Variants in TMCC3 observed in about 807,000 individuals in gnomAD.
The protein encoded by TMCC3 is transmembrane and coiled-coil domain protein 3.
TMCC3 carries 28 observed loss-of-function variants against 40.2 expected under a neutral mutation model. That is an observed-to-expected ratio of 0.70 (90% confidence interval 0.52 to 0.95). The LOEUF is 0.95. TMCC3 is among the 40% of genes least tolerant of loss of function. The probability of loss-of-function intolerance (pLI) is 0.00; values close to 1 mark genes in which losing one functional copy is unlikely to be tolerated. For missense variants in TMCC3, 554 were observed against 615.2 expected, an observed-to-expected ratio of 0.90 and a Z score of 1.05; for synonymous variants, 255 against 248.5, an observed-to-expected ratio of 1.03 and a Z score of -0.25.
At chr12:94,582,965 CTTTTTTTTTT>C (rs753900771) in intron 1 of TMCC3, among the ~76,000 whole-genome samples, 14 of 59,952 alleles carry the variant, frequency 2.3e-4, no homozygotes, top group African/African-American at 6.9e-4. Context: ...GAAGGAGAAT[CTTTTTTTTTT>C]TTTTTTTTTT....
intron 1 of TMCC3, chr12:94,616,035 T>C: frequency 7.1e-6 from 7 of 985,180 alleles, no homozygotes; most frequent in Non-Finnish European, 8.4e-6. Flanking sequence ...AAACAGCACC[T>C]ACCATATGAC....
chr12:94,581,756 G>T lies in TMCC3; in HGVS notation c.861C>A (p.Leu287=), dbSNP rs370274836. Residue 287 remains leucine, a synonymous_variant, in exon 2 of 4, where the codon CTC becomes CTA. Coordinates refer to ENST00000261226, the MANE Select transcript of TMCC3 (RefSeq NM_020698.4). ...GASTLDSQGK[L]AVILEELREI... Reference sequence around the variant, plus strand: ...CCCTCAGTTCCTCCAGGATCACGGCGAGCTTGCCCTGGCTGTCCAGTGTGC... The same window carrying T: ...CCCTCAGTTCCTCCAGGATCACGGCTAGCTTGCCCTGGCTGTCCAGTGTGC... 6.2e-7 allele frequency: 1 copy of T among 1,614,142 alleles called. No individual in the cohort carries two copies. Among genetic ancestry groups the T allele is most frequent in the Non-Finnish European group, 8.5e-7 (1 of 1,180,032 alleles).
rs1342024022 is a variant in TMCC3, at chr12:94,582,380, T to C, written c.237A>G (p.Thr79=). ...DSLKQKILKV[T]EQIKIEQTSR... ...ATGTTTGCTCAATTTTTATCTGCTC[T>C]GTTACCTTTAGAATTTTTTGCTTCA... Residue 79 remains threonine, a synonymous_variant, in exon 2 of 4, where the codon ACA becomes ACG. Transcript: ENST00000261226. 1.7e-5 allele frequency: 27 copies of C among 1,614,002 alleles called. No individual in the cohort carries two copies. The highest frequency in any genetic ancestry group is 2.2e-5 in the Non-Finnish European group (26 of 1,180,012).
intron 1 of TMCC3, among the ~76,000 whole-genome samples, chr12:94,588,293 A>AC (rs2068650126): frequency 6.6e-6 from 1 of 152,036 alleles, no homozygotes; most frequent in Admixed American, 6.6e-5. Flanking sequence ...GAGGCACACC[A>AC]CCCACCCCCC....
Position 94,568,057 on chromosome 12 carries a change from T to C in TMCC3, c.*3378A>G, listed in dbSNP as rs1038564453. 6.6e-6 allele frequency: 1 copy of C among 152,156 alleles called. No homozygotes were observed. The highest frequency in any genetic ancestry group is 2.4e-5 in the African/African-American group (1 of 41,422). 9.4% of individuals were successfully genotyped at this position (152,156 alleles called of 1,614,324 possible). On this transcript the variant is annotated 3_prime_UTR_variant, in exon 4 of 4. Coordinates refer to ENST00000261226, the MANE Select transcript of TMCC3 (RefSeq NM_020698.4). ...CTGGAAAGAGCGAAAACCACATGAATGCTAATTGACAGAGAAGGATAACAG... is the reference window on the plus strand; with the variant it reads ...CTGGAAAGAGCGAAAACCACATGAACGCTAATTGACAGAGAAGGATAACAG...
At chr12:94,606,199 C>A (rs2068781765) in intron 1 of TMCC3, among the ~76,000 whole-genome samples, 1 of 152,140 alleles carries the variant, frequency 6.6e-6, no homozygotes, top group Non-Finnish European at 1.5e-5. Flanking sequence ...CTCAGGGACA[C>A]CTGCTCTTAG....
intron 1 of TMCC3, among the ~76,000 whole-genome samples, chr12:94,609,260 T>G (rs1443006301): frequency 6.6e-6 from 1 of 151,954 alleles, no homozygotes; most frequent in Non-Finnish European, 1.5e-5. Context: ...AAAAAAGAAA[T>G]CAAGGAATTT....
rs751069212 is a variant in TMCC3, at chr12:94,571,432, G to T, written c.*3C>A. The T allele has an allele frequency of 6.2e-7, 1 of 1,608,370 alleles. No homozygotes were observed. The highest frequency in any genetic ancestry group is 8.5e-7 in the Non-Finnish European group (1 of 1,175,156). On this transcript the variant is annotated 3_prime_UTR_variant, in exon 4 of 4. Coordinates refer to ENST00000261226, the MANE Select transcript of TMCC3 (RefSeq NM_020698.4). ...AAGAACTTGAAGGCAGGAACCAGTG[G>T]CTTCATCTTGGTATTATCATCCTTT...
At chr12:94,635,337 GT>G (rs2068954205) in intron 1 of TMCC3, among the ~76,000 whole-genome samples, 1 of 152,158 alleles carries the variant, frequency 6.6e-6, no homozygotes, top group Non-Finnish European at 1.5e-5. Flanking sequence ...AGAACACAAA[GT>G]TAGGCTGGGT....
intron 1 of TMCC3, among the ~76,000 whole-genome samples, chr12:94,597,802 G>A (rs10219601): frequency 0.33 from 49,363 of 151,872 alleles, 8,180 homozygotes; most frequent in East Asian, 0.36. Context: ...GAGAGGCTCT[G>A]TCTCAAAAAA....
chr12:94,638,439 A>G (rs563351464), intron 1 of TMCC3, among the ~76,000 whole-genome samples: 1 of 152,316 alleles, frequency 6.6e-6, no homozygotes, highest in African/African-American at 2.4e-5. Flanking sequence ...CCTCTCAAGC[A>G]TCTTCACATG....
chr12:94,596,537 T>G (rs1175195910), intron 1 of TMCC3, among the ~76,000 whole-genome samples: 2 of 152,166 alleles, frequency 1.3e-5, no homozygotes, highest in Non-Finnish European at 2.9e-5. Context: ...GACTGCTTCC[T>G]TTGTGCTTCT....
At chr12:94,643,499 C>A (rs959378828) in intron 1 of TMCC3, among the ~76,000 whole-genome samples, 1 of 152,208 alleles carries the variant, frequency 6.6e-6, no homozygotes, top group African/African-American at 2.4e-5. Flanking sequence ...GGAGACCAAA[C>A]ATCAGGCAAA....
intron 3 of TMCC3, among the ~76,000 whole-genome samples, chr12:94,577,257 C>T (rs548509596): frequency 4.1e-4 from 63 of 152,222 alleles, no homozygotes; most frequent in Non-Finnish European, 7.8e-4. Context: ...GGCGCGATCT[C>T]GGCTCATTGC....
intron 1 of TMCC3, among the ~76,000 whole-genome samples, chr12:94,618,309 A>T (rs1003196173): frequency 1.3e-5 from 2 of 152,184 alleles, no homozygotes; most frequent in African/African-American, 4.8e-5. Flanking sequence ...CCTAAAATAC[A>T]TTCAGGATCA....
chr12:94,577,185 T>C (rs2138819601), intron 3 of TMCC3, among the ~76,000 whole-genome samples: 1 of 152,250 alleles, frequency 6.6e-6, no homozygotes, highest in Admixed American at 6.5e-5. Context: ...TATTAATTAA[T>C]TAATTAATTT....
At chr12:94,630,565 C>T (rs1164977224) in intron 1 of TMCC3, among the ~76,000 whole-genome samples, 1 of 152,294 alleles carries the variant, frequency 6.6e-6, no homozygotes, top group Non-Finnish European at 1.5e-5. Flanking sequence ...TTTCTTGGCA[C>T]TGCATGAGAG....
At chr12:94,601,182 T>C (rs2068750099) in intron 1 of TMCC3, among the ~76,000 whole-genome samples, 1 of 152,220 alleles carries the variant, frequency 6.6e-6, no homozygotes, top group Non-Finnish European at 1.5e-5. Context: ...TTAATTTTAT[T>C]ATGTAGAAAA....
At chr12:94,588,105 C>T (rs956421478) in intron 1 of TMCC3, among the ~76,000 whole-genome samples, 2 of 152,192 alleles carry the variant, frequency 1.3e-5, no homozygotes, top group Admixed American at 1.3e-4. Flanking sequence ...AGGCCTCCAG[C>T]ACAACACACC....
Sources: gnomAD v4.1 joint callset for allele counts (sites outside exome capture counted in the v4.1 genomes callset) on GRCh38, gnomAD v4.1.1 for gene constraint, MANE v1.5 for transcripts, NCBI Gene and HGNC (gene_info 2026-07-23, HGNC 2026-07-21) for gene names.